Variants in MTA2 observed in about 807,000 individuals in gnomAD.
The protein encoded by MTA2 is metastasis associated 1 family member 2.
In MTA2, 22 loss-of-function variants were observed where a neutral mutation model predicts 87.1. The ratio of observed to expected loss-of-function variants is 0.25; its 90% CI spans 0.18 to 0.36. The LOEUF (loss-of-function observed/expected upper bound fraction) is 0.36. Ranked by LOEUF, MTA2 falls within the 10% of genes least tolerant of loss-of-function variation. The pLI is 1.00. For missense variants in MTA2, 542 were observed against 853.2 expected, an observed-to-expected ratio of 0.64 and a Z score of 4.54; for synonymous variants, 314 against 310.1, an observed-to-expected ratio of 1.01 and a Z score of -0.13.
Position 62,598,622 on chromosome 11 carries a change from A to T in MTA2, c.208T>A (p.Ser70Thr). Reference sequence around the variant, plus strand: ...TGCTCAGACACCCCTGGCTGCTTTGATTCCTCTTCAAACTCCCCTGGGAGA... The same window carrying T: ...TGCTCAGACACCCCTGGCTGCTTTGTTTCCTCTTCAAACTCCCCTGGGAGA... ...DSNAREFEEE[S>T]KQPGVSEQQR... The change falls in exon 4 of 18, where the codon TCA (serine) becomes ACA (threonine). Residue 70 changes from serine (S) to threonine (T), a missense_variant. Ser to Thr is a moderately conservative substitution (Grantham distance 58). Transcript: ENST00000278823. The T allele has an allele frequency of 6.2e-7, 1 of 1,614,004 alleles. No individual in the cohort carries two copies. The highest frequency in any genetic ancestry group is 8.5e-7 in the Non-Finnish European group (1 of 1,180,030).
intron 15 of MTA2, 66 bp downstream of exon 15, chr11:62,594,915 G>A: frequency 7.1e-7 from 1 of 1,398,812 alleles, no homozygotes; most frequent in Non-Finnish European, 1.0e-6. Flanking sequence ...AAAAGCAAGG[G>A]GAGAGATGTC....
chr11:62,600,483 G>A, intron 2 of MTA2, 139 bp downstream of exon 2: 1 of 905,214 alleles, frequency 1.1e-6, no homozygotes, highest in East Asian at 2.6e-5. Context: ...CCTCTCAATA[G>A]CCTTTCCTGA....
At chr11:62,600,034 C>A in intron 3 of MTA2, 132 bp downstream of exon 3, 1 of 753,798 alleles carries the variant, frequency 1.3e-6, no homozygotes, top group South Asian at 1.8e-5. Context: ...GGCCTCCCTC[C>A]TCAGGCCAGG....
At chr11:62,601,154 C>T (rs1479401569) in intron 1 of MTA2, 2 of 545,216 alleles carry the variant, frequency 3.7e-6, no homozygotes, top group Non-Finnish European at 6.4e-6. Flanking sequence ...GAACCGGTTC[C>T]GAAGGCCACT....
chr11:62,598,422 G>A (rs748128064), intron 4 of MTA2, 32 bp from the exon 5 acceptor site: 1 of 1,610,344 alleles, frequency 6.2e-7, no homozygotes, highest in Non-Finnish European at 8.5e-7. Flanking sequence ...ACCCCGGTGA[G>A]CCCCACTCTC....
intron 7 of MTA2, 30 bp from the exon 8 acceptor site, chr11:62,597,445 AAAG>A: frequency 6.3e-7 from 1 of 1,597,032 alleles, no homozygotes; most frequent in South Asian, 1.1e-5. Flanking sequence ...GTCAAAAGCG[AAAG>A]AAAAGTCAAA....
At chr11:62,601,305 G>A in intron 1 of MTA2, 118 bp downstream of exon 1, 2 of 1,310,440 alleles carry the variant, frequency 1.5e-6, no homozygotes, top group East Asian at 2.8e-5. Flanking sequence ...GTTCCGGTCC[G>A]CGCTCCGGTC....
Position 62,595,705 on chromosome 11 carries a change from C to T in MTA2, c.1254+47G>A, listed in dbSNP as rs773717122. 1.9e-6 allele frequency: 3 copies of T among 1,606,954 alleles called. No homozygotes were observed. In the African/African-American group the frequency reaches 4.0e-5, roughly 22 times the overall value. Reference sequence around the variant, plus strand: ...TCTGGCCTTCACCTAAGCTCACCATCAATATGCTTACTGCTCTCCCCTGCT... The same window carrying T: ...TCTGGCCTTCACCTAAGCTCACCATTAATATGCTTACTGCTCTCCCCTGCT... On this transcript the variant is annotated intron_variant, in intron 13 of 17. Transcript: ENST00000278823. The surrounding 1 kb of genome is among the most constrained non-coding windows in gnomAD (Gnocchi z 4.9).
chr11:62,596,314 T>C lies in MTA2; in HGVS notation c.981A>G (p.Ala327=), dbSNP rs1357677148. Residue 327 remains alanine (A), a synonymous_variant, in exon 11 of 18, where the codon GCA becomes GCG. Transcript: ENST00000278823. The stretch of plus-strand genomic sequence containing the variant: ...TGTAGACCTGTTTCAGTTTGCTGTC[T>C]GCTTCAGCAGCTTTCAACCTTTTCT... ...IQQKRLKAAE[A]DSKLKQVYIP... is the part of the protein sequence containing the mutation. 3 of 1,614,196 alleles carry C rather than the reference T, an allele frequency of 1.9e-6. No homozygotes were observed. The East Asian group carries it at 6.7e-5, about 36-fold the overall frequency.
chr11:62,601,538 G>A lies in MTA2; in HGVS notation c.-88C>T. ...TCGGCTCGAGGCAAAGCCCCGAACG[G>A]TGGGCTGCCGCTTCGAGGGAGTCTC... On this transcript the variant is annotated 5_prime_UTR_variant, in exon 1 of 18. Coordinates refer to ENST00000278823, the MANE Select transcript of MTA2 (RefSeq NM_004739.4). 6.8e-7 allele frequency: 1 copy of A among 1,479,272 alleles called. No individual in the cohort carries two copies. The highest frequency in any genetic ancestry group is 9.1e-7 in the Non-Finnish European group (1 of 1,102,080). The allele number at this position is 1,479,272 out of a possible 1,614,324, so 91.6% of individuals were successfully genotyped here. A position where few individuals can be genotyped will look rare whatever the true frequency, so the allele number is the denominator to read the frequency against.
chr11:62,601,608 G>T lies in MTA2; in HGVS notation c.-158C>A. 1.3e-6 allele frequency: 1 copy of T among 788,060 alleles called. No homozygotes were observed. The highest frequency in any genetic ancestry group is 1.9e-6 in the Non-Finnish European group (1 of 526,168). 48.8% of individuals were successfully genotyped at this position (788,060 alleles called of 1,614,324 possible). ...GCACCTCCGCTGCCTCAGCCGTCGC[G>T]GTTCATCCCGGCCCGCGCTGTCGCC... On this transcript the variant is annotated 5_prime_UTR_variant, in exon 1 of 18. Coordinates refer to ENST00000278823, the MANE Select transcript of MTA2 (RefSeq NM_004739.4).
At chr11:62,597,746 G>A in intron 6 of MTA2, 34 bp from the exon 7 acceptor site, 5 of 1,560,910 alleles carry the variant, frequency 3.2e-6, no homozygotes, top group African/African-American at 1.4e-5. Flanking sequence ...AACAGGGAGA[G>A]GGCAGGGGGG....
Position 62,601,563 on chromosome 11 carries a change from C to T in MTA2, c.-113G>A, listed in dbSNP as rs908673000. 37 of 1,289,854 alleles carry T rather than the reference C, an allele frequency of 2.9e-5. No individual in the cohort carries two copies. Among genetic ancestry groups the T allele is most frequent in the Non-Finnish European group, 9.4e-6 (9 of 958,730 alleles). 79.9% of individuals were successfully genotyped at this position (1,289,854 alleles called of 1,614,324 possible). A position where few individuals can be genotyped will look rare whatever the true frequency, so the allele number is the denominator to read the frequency against. ...GTGGGCTGCCGCTTCGAGGGAGTCT[C>T]ACTGGGGCCCGCGCAGCCGGCACCT... is the stretch of plus-strand genomic sequence containing the variant. On this transcript the variant is annotated 5_prime_UTR_variant, in exon 1 of 18. Transcript: ENST00000278823.
In MTA2 at chr11:62,595,357, G is replaced by A. The variant is rs767939952; in HGVS notation, c.1390C>T (p.Leu464Phe). ...FLLQTTKLTRLARRMCRDLLQ... is the reference protein window; with the variant it reads ...FLLQTTKLTRFARRMCRDLLQ... ...AGGTCCCTGCACATGCGTCTGGCAA[G>A]ACGGGTCAGCTTTGTGGTCTGAAGC... The change falls in exon 14 of 18, where the codon CTT becomes TTT. Residue 464 changes from leucine (L) to phenylalanine (F), a missense_variant. Around this residue, in one of 6 missense-constraint regions of MTA2, gnomAD observed 269 missense variants for 346.4 expected, o/e 0.78. Coordinates refer to ENST00000278823, the MANE Select transcript of MTA2 (RefSeq NM_004739.4). This position sits in a 1 kb window ranked among gnomAD's most constrained non-coding sequence, Gnocchi z 4.9. The A allele has an allele frequency of 1.9e-6, 3 of 1,614,240 alleles. No individual in the cohort carries two copies. The highest frequency in any genetic ancestry group is 2.5e-6 in the Non-Finnish European group (3 of 1,180,044).
Position 62,598,935 on chromosome 11 carries a change from G to A in MTA2, c.191-296C>T, listed in dbSNP as rs145647156. Among the ~76,000 whole-genome samples the A allele has an allele frequency of 6.6e-5, 10 of 152,158 alleles. No individual in the cohort carries two copies. In the East Asian group the frequency reaches 1.2e-3, roughly 18 times the overall value. ...GTACTCAGACACCAAAGTCCACAACGGGCCAGCAAGAACATCACACTTGTC... is the reference window on the plus strand; with the variant it reads ...GTACTCAGACACCAAAGTCCACAACAGGCCAGCAAGAACATCACACTTGTC... On this transcript the variant is annotated intron_variant, in intron 3 of 17. Transcript: ENST00000278823.
chr11:62,600,404 C>T, intron 2 of MTA2, 145 bp from the exon 3 acceptor site: 3 of 816,496 alleles, frequency 3.7e-6, no homozygotes, highest in Admixed American at 5.4e-5. Context: ...TAAAGACTTA[C>T]ATTCAAGGAT....
rs1348882616 is a variant in MTA2, at chr11:62,601,410, G to A, written c.28+13C>T. ...CCCGCCCCGGGCCCCGTATCCCTGC[G>A]CCCGGTACTCACCTCCCACCCGGTA... is the stretch of plus-strand genomic sequence containing the variant. On this transcript the variant is annotated intron_variant, in intron 1 of 17. Transcript: ENST00000278823. 10 of 1,610,084 alleles carry A rather than the reference G, an allele frequency of 6.2e-6. No individual in the cohort carries two copies. The highest frequency in any genetic ancestry group is 1.7e-5 in the Admixed American group (1 of 59,892).
Position 62,595,090 on chromosome 11 carries a change from G to A in MTA2, c.1484-20C>T. ...TGGAGCCTGGAGAACAAAGAAGAAA[G>A]CTTCTGAAGGGCTTCACCATTCAGG... On this transcript the variant is annotated intron_variant, in intron 14 of 17. Transcript: ENST00000278823. The surrounding 1 kb of genome is among the most constrained non-coding windows in gnomAD (Gnocchi z 4.9). 4 of 1,611,746 alleles carry A rather than the reference G, an allele frequency of 2.5e-6. No homozygotes were observed. The highest frequency in any genetic ancestry group is 2.5e-6 in the Non-Finnish European group (3 of 1,178,540).
chr11:62,594,075 C>CT, intron 17 of MTA2, 35 bp from the exon 18 acceptor site: 1 of 1,566,184 alleles, frequency 6.4e-7, no homozygotes, highest in Non-Finnish European at 8.6e-7. Context: ...ACAGAAAAGG[C>CT]TTAGAGAACA....
Sources: gnomAD v4.1 joint callset for allele counts (sites outside exome capture counted in the v4.1 genomes callset) on GRCh38, gnomAD v4.1.1 for gene constraint, gnomAD v4.1.1 regional missense constraint, Gnocchi (gnomAD v3.1) non-coding constraint, MANE v1.5 for transcripts, NCBI Gene and HGNC (gene_info 2026-07-23, HGNC 2026-07-21) for gene names.